The following ENTREP2 variants were observed in gnomAD, a reference collection of about 807,000 sequenced individuals.
ENTREP2 encodes endosomal transmembrane epsin interactor 2, also known as protein ENTREP2.
the ENTREP2 span, among the ~76,000 whole-genome samples, chr15:29,379,779 T>C: frequency 6.6e-6 from 1 of 152,146 alleles, no homozygotes. Context: ...AGGCCAGGGC[T>C]GGGGGTGGCG....
At chr15:29,456,101 C>A in the ENTREP2 span, among the ~76,000 whole-genome samples, 1 of 151,428 alleles carries the variant, frequency 6.6e-6, no homozygotes, top group Non-Finnish European at 1.5e-5. Flanking sequence ...ACCATCCCCA[C>A]CCCCTCCCTG....
At chr15:29,595,636 T>C in the ENTREP2 span, among the ~76,000 whole-genome samples, 170 of 152,318 alleles carry the variant, frequency 1.1e-3, no homozygotes, top group Non-Finnish European at 2.2e-3. Context: ...GCTACACAGA[T>C]TGAAGTTCTT....
At chr15:29,159,874 G>A in the ENTREP2 span, among the ~76,000 whole-genome samples, 4 of 152,246 alleles carry the variant, frequency 2.6e-5, no homozygotes, top group Admixed American at 6.5e-5. Flanking sequence ...GGCTTCACCC[G>A]GTGGATCCCG....
At chr15:29,313,656 G>A in the ENTREP2 span, among the ~76,000 whole-genome samples, 3 of 152,136 alleles carry the variant, frequency 2.0e-5, no homozygotes, top group African/African-American at 7.2e-5. Context: ...ACACCTAAGA[G>A]CCCTGATGGA....
At chr15:29,339,777 T>C in the ENTREP2 span, among the ~76,000 whole-genome samples, 1 of 152,230 alleles carries the variant, frequency 6.6e-6, no homozygotes, top group Non-Finnish European at 1.5e-5. Flanking sequence ...CTCATTAACA[T>C]ATGAAAACAT....
chr15:29,382,237 G>C, the ENTREP2 span, among the ~76,000 whole-genome samples: 1 of 150,560 alleles, frequency 6.6e-6, no homozygotes, highest in Non-Finnish European at 1.5e-5. Context: ...ACTCCAGCCT[G>C]GGAGGCAGAG....
the ENTREP2 span, among the ~76,000 whole-genome samples, chr15:29,193,488 G>C: frequency 1.3e-5 from 2 of 152,178 alleles, no homozygotes; most frequent in African/African-American, 4.8e-5. Context: ...CAGGTTCTTG[G>C]CCTTGGACTG....
chr15:29,582,594 A>T, the ENTREP2 span, among the ~76,000 whole-genome samples: 5 of 151,846 alleles, frequency 3.3e-5, no homozygotes, highest in African/African-American at 1.2e-4. Context: ...AGGGAACAAA[A>T]CAAATATTAA....
the ENTREP2 span, among the ~76,000 whole-genome samples, chr15:29,207,325 T>C: frequency 8.6e-3 from 1,304 of 152,130 alleles, 19 homozygotes; most frequent in African/African-American, 0.03. Flanking sequence ...CCGCAGACGT[T>C]CCCAGCGAGT....
the ENTREP2 span, among the ~76,000 whole-genome samples, chr15:29,542,078 G>A: frequency 1.3e-5 from 2 of 152,132 alleles, no homozygotes; most frequent in African/African-American, 4.8e-5. Flanking sequence ...GTGCGATCTC[G>A]GTTCACTGCA....
At chr15:29,561,742 C>T in the ENTREP2 span, among the ~76,000 whole-genome samples, 5 of 151,578 alleles carry the variant, frequency 3.3e-5, no homozygotes, top group South Asian at 2.1e-4. Context: ...GTACAAGGAA[C>T]GGAAATATAA....
chr15:29,324,677 G>C, the ENTREP2 span, among the ~76,000 whole-genome samples: 16 of 152,156 alleles, frequency 1.1e-4, no homozygotes, highest in African/African-American at 3.1e-4. Context: ...AGCATCCATA[G>C]TGATATAAAG....
chr15:29,529,995 G>A, the ENTREP2 span, among the ~76,000 whole-genome samples: 2 of 152,016 alleles, frequency 1.3e-5, no homozygotes, highest in Admixed American at 6.6e-5. Flanking sequence ...TTCACCACAC[G>A]GCCTCTGCAG....
chr15:29,148,175 G>A, the ENTREP2 span, among the ~76,000 whole-genome samples: 2 of 152,300 alleles, frequency 1.3e-5, no homozygotes, highest in East Asian at 3.9e-4. Context: ...AAAGGCTATA[G>A]GGTCTCTCTT....
chr15:29,196,760 G>A, the ENTREP2 span: 1 of 513,370 alleles, frequency 1.9e-6, no homozygotes, highest in Non-Finnish European at 3.4e-6. Flanking sequence ...TATCTTAACA[G>A]CAATGTATAG....
the ENTREP2 span, among the ~76,000 whole-genome samples, chr15:29,539,404 G>C: frequency 3.3e-5 from 5 of 152,054 alleles, no homozygotes; most frequent in Admixed American, 2.6e-4. Flanking sequence ...GCAAGTTCAC[G>C]ACATGCCAGG....
At chr15:29,627,691 TCTATACATTTGC>T in the ENTREP2 span, among the ~76,000 whole-genome samples, 2 of 152,168 alleles carry the variant, frequency 1.3e-5, no homozygotes, top group Non-Finnish European at 2.9e-5. Context: ...CTACTGTCTG[TCTATACATTTGC>T]CAGTCCTAGG....
the ENTREP2 span, among the ~76,000 whole-genome samples, chr15:29,369,429 G>GAA: frequency 6.8e-6 from 1 of 146,348 alleles, no homozygotes; most frequent in African/African-American, 2.5e-5. Context: ...CAAATGGCAA[G>GAA]AAAAAAAAAA....
chr15:29,369,968 C>T, the ENTREP2 span, among the ~76,000 whole-genome samples: 1 of 152,190 alleles, frequency 6.6e-6, no homozygotes, highest in African/African-American at 2.4e-5. Context: ...AAGGCCCTCA[C>T]CAGAAGCAGG....
Sources: gnomAD v4.1 joint callset for allele counts (sites outside exome capture counted in the v4.1 genomes callset) on GRCh38, gnomAD v4.1.1 for gene constraint, MANE v1.5 for transcripts, NCBI Gene and HGNC (gene_info 2026-07-23, HGNC 2026-07-21) for gene names.